Variants in ANG observed in about 807,000 individuals in gnomAD.
ANG encodes angiogenin, also known as Homo sapiens epididymis luminal protein 168.
For missense variants in ANG, 178 were observed against 187.4 expected (o/e 0.95, Z 0.29); for synonymous variants, 74 against 73.8 (o/e 1.00, Z -0.02).
At chr14:20,686,039 TAA>T (rs11378368), upstream of ANG, among the ~76,000 whole-genome samples, 3,526 of 137,908 alleles carry the variant, frequency 0.026, 64 homozygotes, top group African/African-American at 0.051. Flanking sequence ...GACTCCGTCT[TAA>T]AAAAAAAAAA....
chr14:20,691,935 T>TAG (rs927373977), intron 1 of ANG, among the ~76,000 whole-genome samples: 3 of 152,222 alleles, frequency 2.0e-5, no homozygotes, highest in African/African-American at 7.2e-5. Flanking sequence ...ACCACAGGCC[T>TAG]AGTGCCAGGA....
At chr14:20,692,074 C>A (rs953968082) in intron 1 of ANG, among the ~76,000 whole-genome samples, 1 of 152,172 alleles carries the variant, frequency 6.6e-6, no homozygotes. Flanking sequence ...GACTTACACA[C>A]AAGAGAAGCA....
chr14:20,689,167 C>T (rs925416103), intron 1 of ANG, among the ~76,000 whole-genome samples: 6 of 152,182 alleles, frequency 3.9e-5, no homozygotes, highest in Admixed American at 2.0e-4. Flanking sequence ...GGAGTCCTCC[C>T]CCGTCGTCCA....
upstream of ANG, among the ~76,000 whole-genome samples, chr14:20,686,370 T>C (rs1243163540): frequency 6.6e-6 from 1 of 152,056 alleles, no homozygotes; most frequent in Non-Finnish European, 1.5e-5. Flanking sequence ...CAGGCAAGAG[T>C]AAGAGGTTTG....
chr14:20,693,224 T>C (rs1211230433), intron 1 of ANG, among the ~76,000 whole-genome samples: 1 of 152,252 alleles, frequency 6.6e-6, no homozygotes, highest in African/African-American at 2.4e-5. Flanking sequence ...TAATGTTCAT[T>C]ATTCAATTAA....
chr14:20,692,452 AC>A (rs1886809352), intron 1 of ANG, among the ~76,000 whole-genome samples: 1 of 152,218 alleles, frequency 6.6e-6, no homozygotes, highest in Admixed American at 6.5e-5. Flanking sequence ...GTTCCCTAGA[AC>A]AGAGGTCCCC....
chr14:20,691,131 C>G (rs148266086), intron 1 of ANG, among the ~76,000 whole-genome samples: 178 of 152,342 alleles, frequency 1.2e-3, no homozygotes, highest in Admixed American at 4.7e-3. Flanking sequence ...AATATCCCCA[C>G]AAGTTATACA....
chr14:20,694,062 C>T lies in ANG; in HGVS notation c.*54C>T. The T allele has an allele frequency of 6.3e-7, 1 of 1,599,856 alleles. No individual in the cohort carries two copies. Among genetic ancestry groups the T allele is most frequent in the South Asian group, 1.1e-5 (1 of 90,592 alleles). ...CTGCTGTCCTTGCCTTCCATTTCCC[C>T]TCTGCACCCAGAACAGTGGTGGCAA... On this transcript the variant is annotated 3_prime_UTR_variant, in exon 2 of 2. Coordinates refer to ENST00000397990, the MANE Select transcript of ANG (RefSeq NM_001097577.3).
upstream of ANG, among the ~76,000 whole-genome samples, chr14:20,685,387 G>C (rs984218481): frequency 6.6e-6 from 1 of 152,130 alleles, no homozygotes; most frequent in African/African-American, 2.4e-5. Flanking sequence ...CCACTCAGGG[G>C]GCTAGGGAAA....
At chr14:20,686,493 G>A (rs1886433423), upstream of ANG, among the ~76,000 whole-genome samples, 1 of 152,208 alleles carries the variant, frequency 6.6e-6, no homozygotes, top group African/African-American at 2.4e-5. Flanking sequence ...TATTGAATCT[G>A]TATTTAAGCA....
rs567201782 is a variant in ANG at position 20,693,042 on chromosome 14, T to A, written c.-18-505T>A. 8.1e-3 allele frequency among the ~76,000 whole-genome samples: 1,232 copies of A among 151,410 alleles called. 10 individuals are homozygous for A. The highest frequency in any genetic ancestry group is 0.014 in the Non-Finnish European group (920 of 67,878). ...TTTTGTATTTTTAGTAGAGACGGGG[T>A]TTCACCGTGGTAGCCAGGATGGTCT... On this transcript the variant is annotated intron_variant, in intron 1 of 1. Transcript: ENST00000397990.
At chr14:20,688,966 C>T (rs1886556299) in intron 1 of ANG, 92 bp downstream of exon 1, 1 of 628,454 alleles carries the variant, frequency 1.6e-6, no homozygotes, top group African/African-American at 2.0e-5. Flanking sequence ...CCTCCAGGCT[C>T]AAGCTCATGA....
Position 20,693,090 on chromosome 14 carries a change from G to A in ANG, c.-18-457G>A, listed in dbSNP as rs371879733. ...TCTCGATCTCCTGACCTCGTGATCC[G>A]CCCGCCTTGGCCTCCCAAAGTGCTG... On this transcript the variant is annotated intron_variant, in intron 1 of 1. Coordinates refer to ENST00000397990, the MANE Select transcript of ANG (RefSeq NM_001097577.3). Among the ~76,000 whole-genome samples, 58 of 151,860 alleles carry A rather than the reference G, an allele frequency of 3.8e-4. No homozygotes were observed. In the Middle Eastern group the frequency reaches 0.01, roughly 27 times the overall value.
intron 1 of ANG, among the ~76,000 whole-genome samples, chr14:20,692,842 T>A (rs1056474365): frequency 2.0e-5 from 3 of 152,226 alleles, no homozygotes; most frequent in African/African-American, 7.2e-5. Flanking sequence ...GGCATTTTTT[T>A]ATTTTTTGTT....
chr14:20,686,079 G>A (rs1006638410), upstream of ANG, among the ~76,000 whole-genome samples: 1 of 151,172 alleles, frequency 6.6e-6, no homozygotes, highest in African/African-American at 2.4e-5. Flanking sequence ...GCATTGGAAA[G>A]CTTCCAGGCC....
chr14:20,688,227 G>A (rs1265968115), upstream of ANG, among the ~76,000 whole-genome samples: 1 of 152,140 alleles, frequency 6.6e-6, no homozygotes. Context: ...AGGGGGAGGG[G>A]CAGTGTACTA....
At chr14:20,685,467 GA>G (rs1204535679), upstream of ANG, among the ~76,000 whole-genome samples, 8 of 152,082 alleles carry the variant, frequency 5.3e-5, no homozygotes, top group Non-Finnish European at 7.4e-5. Context: ...GTAATCAGTA[GA>G]AACCCAAGGG....
At chr14:20,693,014 AT>A (rs546936827) in intron 1 of ANG, among the ~76,000 whole-genome samples, 2 of 151,388 alleles carry the variant, frequency 1.3e-5, no homozygotes, top group South Asian at 2.1e-4. Context: ...CGCCCGGCTA[AT>A]TTTTTGTATT....
At position 20,693,448 on chromosome 14, in the gene ANG, G is replaced by C. The variant is rs556327323; in HGVS notation, c.-18-99G>C. 3.0e-5 allele frequency: 45 copies of C among 1,496,168 alleles called. No individual in the cohort carries two copies. The African/African-American group carries it at 5.6e-4, about 19-fold the overall frequency. 92.7% of individuals were successfully genotyped at this position (1,496,168 alleles called of 1,614,324 possible). A position where few individuals can be genotyped will look rare whatever the true frequency, so the allele number is the denominator to read the frequency against. ...TAAAATTTGGTGGTGGAAAAGATCT[G>C]ATTCATGATGCCGTGTCAGAGAGCA... On this transcript the variant is annotated intron_variant, in intron 1 of 1. Transcript: ENST00000397990.
Sources: gnomAD v4.1 joint callset for allele counts (sites outside exome capture counted in the v4.1 genomes callset) on GRCh38, gnomAD v4.1.1 for gene constraint, MANE v1.5 for transcripts, NCBI Gene and HGNC (gene_info 2026-07-23, HGNC 2026-07-21) for gene names.